Variants in ARFGEF2 observed in about 807,000 individuals in gnomAD.
ARFGEF2 encodes ARF guanine nucleotide exchange factor 2, also known as brefeldin A-inhibited guanine nucleotide-exchange protein 2.
A neutral mutation model predicts 219.9 loss-of-function variants in ARFGEF2; 74 were observed. The ratio of observed to expected loss-of-function variants is 0.34; its 90% confidence interval spans 0.28 to 0.41. The LOEUF (loss-of-function observed/expected upper bound fraction) is 0.41. ARFGEF2 is among the 10% of genes least tolerant of loss of function. The pLI is 1.00. For missense variants in ARFGEF2, 1,743 were observed against 2,218.3 expected, an observed-to-expected ratio of 0.79 and a Z score of 4.30; for synonymous variants, 733 against 799.2, an observed-to-expected ratio of 0.92 and a Z score of 1.40.
chr20:49,017,209 G>A (rs555192784), intron 31 of ARFGEF2, 40 bp from the exon 32 acceptor site: 3 of 1,608,484 alleles, frequency 1.9e-6, no homozygotes, highest in Admixed American at 1.7e-5. Flanking sequence ...CATCAAAATA[G>A]CAGTAGAAGT....
At chr20:48,980,077 G>A (rs778964484) in intron 14 of ARFGEF2, among the ~76,000 whole-genome samples, 7 of 152,072 alleles carry the variant, frequency 4.6e-5, no homozygotes, top group Non-Finnish European at 1.0e-4. Context: ...TGATGTTAGT[G>A]TGTCAATTTT....
intron 3 of ARFGEF2, among the ~76,000 whole-genome samples, chr20:48,944,333 G>A (rs2091012312): frequency 6.6e-6 from 1 of 152,180 alleles, no homozygotes; most frequent in African/African-American, 2.4e-5. Flanking sequence ...TAAGAACAGT[G>A]GCTGACATGC....
intron 26 of ARFGEF2, 24 bp downstream of exon 26, chr20:49,005,245 G>A (rs376442530): frequency 8.7e-6 from 14 of 1,613,690 alleles, no homozygotes; most frequent in African/African-American, 5.3e-5. Context: ...TCTGGAAGAC[G>A]CTTGGTCAAA....
intron 30 of ARFGEF2, among the ~76,000 whole-genome samples, chr20:49,015,603 C>T (rs1357993725): frequency 1.3e-5 from 2 of 152,124 alleles, no homozygotes; most frequent in Admixed American, 1.3e-4. Flanking sequence ...AGGTTTGGGG[C>T]CTGCGTATTA....
At position 48,978,476 on chromosome 20, in the gene ARFGEF2, C is replaced by T. The variant is rs978955001; in HGVS notation, c.1958+2277C>T. ...GCGCTCTTTTTCGGTTCCATATGAA[C>T]TTTAAAGTAGTTTTTTCCAATTCTG... On this transcript the variant is annotated intron_variant, in intron 14 of 38. Coordinates refer to ENST00000371917, the MANE Select transcript of ARFGEF2 (RefSeq NM_006420.3). Among the ~76,000 whole-genome samples, 15 of 152,246 alleles carry T rather than the reference C, an allele frequency of 9.9e-5. 1 individual carries two copies. The highest frequency in any genetic ancestry group is 8.3e-4 in the South Asian group (4 of 4,824).
At chr20:48,976,935 CATTTTATTTT>C (rs59427522) in intron 14 of ARFGEF2, among the ~76,000 whole-genome samples, 5,867 of 146,460 alleles carry the variant, frequency 0.04, 352 homozygotes, top group African/African-American at 0.13. Flanking sequence ...TTTTTTTAGG[CATTTTATTTT>C]ATTTTATTTT....
At chr20:48,935,587 C>G (rs572776184) in intron 1 of ARFGEF2, among the ~76,000 whole-genome samples, 2 of 152,376 alleles carry the variant, frequency 1.3e-5, no homozygotes, top group South Asian at 4.1e-4. Context: ...TCATCATGGC[C>G]CGTTCTCAAT....
Position 49,011,993 on chromosome 20 carries a change from A to C in ARFGEF2, c.3827A>C (p.Glu1276Ala). ...SFQDAVKCLS[E>A]FACNAAFPDT... is the part of the protein sequence containing the mutation. ...CAGGATGCTGTGAAGTGCTTATCAG[A>C]GTTCGCCTGCAACGCCGCTTTCCCT... The change falls in exon 28 of 39, where the codon GAG (glutamate) becomes GCG (alanine). Residue 1276 changes from glutamate (E) to alanine (A), a missense_variant. Around this residue, in one of 5 missense-constraint regions of ARFGEF2, gnomAD observed 578 missense variants for 664.0 expected, o/e 0.87. Transcript: ENST00000371917. The C allele has an allele frequency of 6.2e-7, 1 of 1,614,172 alleles. No individual in the cohort carries two copies. The highest frequency in any genetic ancestry group is 8.5e-7 in the Non-Finnish European group (1 of 1,180,026).
chr20:48,931,463 A>G (rs1358210692), intron 1 of ARFGEF2, among the ~76,000 whole-genome samples: 1 of 152,240 alleles, frequency 6.6e-6, no homozygotes, highest in Non-Finnish European at 1.5e-5. Context: ...GGGAAGGCAG[A>G]TAGTAAATGA....
intron 1 of ARFGEF2, among the ~76,000 whole-genome samples, chr20:48,936,292 G>A (rs1277891356): frequency 2.0e-5 from 3 of 147,662 alleles, no homozygotes; most frequent in East Asian, 2.1e-4. Flanking sequence ...CTGGCCAGGC[G>A]GGGGGCTGAC....
chr20:48,958,160 T>C (rs1173674316), intron 6 of ARFGEF2, among the ~76,000 whole-genome samples: 1 of 152,184 alleles, frequency 6.6e-6, no homozygotes, highest in Non-Finnish European at 1.5e-5. Context: ...ATAAATGTCT[T>C]CACACAAGCA....
rs147617265 is a variant in ARFGEF2 at position 48,971,162 on chromosome 20, C to G, written c.1233C>G (p.Leu411=). Residue 411 remains leucine (L), a synonymous_variant, in exon 10 of 39, where the codon CTC becomes CTG. Transcript: ENST00000371917. Reference sequence around the variant, plus strand: ...CCAAGGTGGTTTCCCTGCAGCTGCTCCTCTCTGTGTTGCAAAATGCTGGCC... The same window carrying G: ...CCAAGGTGGTTTCCCTGCAGCTGCTGCTCTCTGTGTTGCAAAATGCTGGCC... ...LRSKVVSLQL[L]LSVLQNAGPV... 6.2e-7 allele frequency: 1 copy of G among 1,614,098 alleles called. No homozygotes were observed. Among genetic ancestry groups the G allele is most frequent in the Non-Finnish European group, 8.5e-7 (1 of 1,180,028 alleles).
chr20:49,011,916 TC>T lies in ARFGEF2; in HGVS notation c.3758-3del, dbSNP rs797045256. 2.7e-4 allele frequency: 432 copies of T among 1,614,182 alleles called. No individual in the cohort carries two copies. The highest frequency in any genetic ancestry group is 6.6e-4 in the Middle Eastern group (4 of 6,062). On this transcript the variant is annotated splice_region_variant and splice_polypyrimidine_tract_variant and intron_variant, in intron 27 of 38. Coordinates refer to ENST00000371917, the MANE Select transcript of ARFGEF2 (RefSeq NM_006420.3). ...GTCTTATGAAAAATGTGCCTTGTGT[TC>T]CCCCAGCAACTATTTTCCAGCACCA...
chr20:48,983,448 A>T (rs1204454736), intron 14 of ARFGEF2, among the ~76,000 whole-genome samples: 1 of 152,054 alleles, frequency 6.6e-6, no homozygotes, highest in Non-Finnish European at 1.5e-5. Context: ...CCGCCACTCC[A>T]CCTCCCTCTA....
Position 48,973,303 on chromosome 20 carries a change from C to G in ARFGEF2, c.1665+19C>G. The G allele has an allele frequency of 6.2e-7, 1 of 1,613,662 alleles. No individual in the cohort carries two copies. On this transcript the variant is annotated intron_variant, in intron 12 of 38. Transcript: ENST00000371917. ...TCTGCAGGTAAAAACACTGTGGACA[C>G]TCAATTATATTAAAGTTTATTCATT...
intron 3 of ARFGEF2, among the ~76,000 whole-genome samples, chr20:48,948,077 G>A (rs1199559398): frequency 6.6e-6 from 1 of 152,106 alleles, no homozygotes; most frequent in Non-Finnish European, 1.5e-5. Context: ...AATGCACAAT[G>A]AAAAATCAAT....
chr20:48,950,808 AAAAATATATATATATATAT>A (rs1366362335), intron 3 of ARFGEF2, among the ~76,000 whole-genome samples: 77 of 42,286 alleles, frequency 1.8e-3, no homozygotes, highest in African/African-American at 9.5e-3. Context: ...AAAAAAAAAA[AAAAATATATATATATATAT>A]ATATATATAT....
chr20:49,016,247 T>C (rs371444625), intron 30 of ARFGEF2, 33 bp from the exon 31 acceptor site: 90 of 1,611,716 alleles, frequency 5.6e-5, no homozygotes, highest in Non-Finnish European at 7.4e-5. Flanking sequence ...GCAGGGAGAA[T>C]AGCTTTTAAG....
rs1355577707 is a variant in ARFGEF2 at position 49,034,936 on chromosome 20, C to CT, written c.*1738dup. On this transcript the variant is annotated 3_prime_UTR_variant, in exon 39 of 39. Transcript: ENST00000371917. ...ACTTATATACATTAGATAAAAGGAGCTGTATAATTTAGCAGGAAGGGACTA... is the reference window on the plus strand; with the variant it reads ...ACTTATATACATTAGATAAAAGGAGCTTGTATAATTTAGCAGGAAGGGACTA... 1 of 152,074 alleles carries CT rather than the reference C, an allele frequency of 6.6e-6. No homozygotes were observed. Among genetic ancestry groups the CT allele is most frequent in the Non-Finnish European group, 1.5e-5 (1 of 68,024 alleles). The allele number at this position is 152,074 out of a possible 1,614,324, so 9.4% of individuals were successfully genotyped here.
Sources: gnomAD v4.1 joint callset for allele counts (sites outside exome capture counted in the v4.1 genomes callset) on GRCh38, gnomAD v4.1.1 for gene constraint, gnomAD v4.1.1 regional missense constraint, MANE v1.5 for transcripts, NCBI Gene and HGNC (gene_info 2026-07-23, HGNC 2026-07-21) for gene names.